C7: variants seen among roughly 807,000 people sequenced by gnomAD.
C7 encodes the protein complement component C7.
In C7, 83 loss-of-function variants were observed where a neutral mutation model predicts 104.8. The observed-to-expected ratio is 0.79, with a 90% CI of 0.66 to 0.95. C7 has a LOEUF of 0.95. Ranked by LOEUF, C7 falls within the 40% of genes least tolerant of loss-of-function variation. The pLI, the probability that C7 is intolerant of heterozygous loss-of-function variation, is 0.00. For synonymous variants in C7, 415 were observed against 360.6 expected, an observed-to-expected ratio of 1.15 and a Z score of -1.71; for missense variants, 1,070 against 1,011.2, an observed-to-expected ratio of 1.06 and a Z score of -0.79.
chr5:40,954,060 G>T (rs1366625558), intron 9 of C7, among the ~76,000 whole-genome samples: 1 of 152,074 alleles, frequency 6.6e-6, no homozygotes, highest in African/African-American at 2.4e-5. Flanking sequence ...TGGAGATAAA[G>T]TATTTCTAAA....
At position 40,955,383 on chromosome 5, in the gene C7, A is replaced by G. The variant is rs1283956505; in HGVS notation, c.1094-4A>G. On this transcript the variant is annotated splice_polypyrimidine_tract_variant and splice_region_variant and intron_variant, in intron 9 of 17. Transcript: ENST00000313164. The stretch of plus-strand genomic sequence containing the variant: ...TCACTTTTCATTTGCTTTCTTCTGT[A>G]TAGGAACCCAGAACAATGTATTGCG... 2.5e-6 allele frequency: 4 copies of G among 1,596,716 alleles called. No homozygotes were observed. The highest frequency in any genetic ancestry group is 3.4e-6 in the Non-Finnish European group (4 of 1,173,926).
intron 14 of C7, among the ~76,000 whole-genome samples, chr5:40,969,328 T>G (rs1015848986): frequency 8.5e-5 from 13 of 152,216 alleles, no homozygotes; most frequent in African/African-American, 2.9e-4. Context: ...AAAAATATAT[T>G]AATTTCAGTT....
intron 6 of C7, among the ~76,000 whole-genome samples, chr5:40,941,691 T>G (rs1739940137): frequency 6.6e-6 from 1 of 151,676 alleles, no homozygotes; most frequent in Non-Finnish European, 1.5e-5. Context: ...TGATGGAGAG[T>G]GAGCAGTCTG....
chr5:40,963,187 A>G (rs1330272703), intron 13 of C7, among the ~76,000 whole-genome samples: 4 of 152,096 alleles, frequency 2.6e-5, no homozygotes, highest in African/African-American at 4.8e-5. Flanking sequence ...AGGAGTCCCA[A>G]ATATTGCTCT....
At chr5:40,966,376 CTTTT>C (rs543978425) in intron 14 of C7, among the ~76,000 whole-genome samples, 1 of 144,640 alleles carries the variant, frequency 6.9e-6, no homozygotes. Flanking sequence ...GGTTTTCTTT[CTTTT>C]TTTTTTTTTG....
At chr5:40,929,287 G>T (rs751774129) in intron 2 of C7, among the ~76,000 whole-genome samples, 4 of 152,150 alleles carry the variant, frequency 2.6e-5, no homozygotes, top group Admixed American at 6.5e-5. Context: ...TGCTCAGGGT[G>T]ATGTGAGAGC....
At chr5:40,938,117 T>C (rs1739855235) in intron 6 of C7, among the ~76,000 whole-genome samples, 1 of 152,140 alleles carries the variant, frequency 6.6e-6, no homozygotes, top group African/African-American at 2.4e-5. Context: ...TATGTGTAAT[T>C]TGAAGAAAAC....
chr5:40,909,826 A>T (rs1299740504), intron 1 of C7, among the ~76,000 whole-genome samples: 1 of 152,188 alleles, frequency 6.6e-6, no homozygotes, highest in Non-Finnish European at 1.5e-5. Flanking sequence ...GCCAAAGTGA[A>T]TTCCTTTTTC....
At chr5:40,972,031 A>G in intron 14 of C7, 1 of 461,022 alleles carries the variant, frequency 2.2e-6, no homozygotes, top group South Asian at 1.6e-5. Flanking sequence ...CAACTGGATG[A>G]AAGTTAATGA....
At chr5:40,928,176 G>A (rs893546100) in intron 1 of C7, among the ~76,000 whole-genome samples, 2 of 152,108 alleles carry the variant, frequency 1.3e-5, no homozygotes, top group Non-Finnish European at 2.9e-5. Flanking sequence ...CAAATAGCAC[G>A]TGTTCTCACT....
intron 1 of C7, among the ~76,000 whole-genome samples, chr5:40,921,123 C>A (rs1739430069): frequency 6.6e-6 from 1 of 151,686 alleles, no homozygotes. Flanking sequence ...AATTTGCAGG[C>A]TACCAAATTA....
At chr5:40,969,583 A>C (rs1740646189) in intron 14 of C7, among the ~76,000 whole-genome samples, 1 of 152,162 alleles carries the variant, frequency 6.6e-6, no homozygotes. Flanking sequence ...GGTTATCTCT[A>C]TTCCAAGGAT....
At chr5:40,966,671 C>T (rs62357072) in intron 14 of C7, among the ~76,000 whole-genome samples, 29,154 of 152,136 alleles carry the variant, frequency 0.19, 3,235 homozygotes, top group Middle Eastern at 0.38. Context: ...GCTACCATGC[C>T]TGGCACAATA....
At chr5:40,928,124 G>T (rs1464056758) in intron 1 of C7, among the ~76,000 whole-genome samples, 1 of 152,116 alleles carries the variant, frequency 6.6e-6, no homozygotes, top group Non-Finnish European at 1.5e-5. Context: ...AGATGGAATT[G>T]GAAAACATTA....
intron 8 of C7, among the ~76,000 whole-genome samples, chr5:40,948,211 A>G (rs1375230326): frequency 6.6e-6 from 1 of 150,610 alleles, no homozygotes; most frequent in African/African-American, 2.5e-5. Context: ...ATGTTTAAAT[A>G]AGTATTTCAT....
chr5:40,934,665 G>A lies in C7; in HGVS notation c.280+199G>A, dbSNP rs41271059. Among the ~76,000 whole-genome samples, 1,096 of 152,214 alleles carry A rather than the reference G, an allele frequency of 7.2e-3. 6 individuals are homozygous for A. The highest frequency in any genetic ancestry group is 0.013 in the Non-Finnish European group (856 of 68,020). On this transcript the variant is annotated intron_variant, in intron 4 of 17. Coordinates refer to ENST00000313164, the MANE Select transcript of C7 (RefSeq NM_000587.4). ...TTTTCAAATGCAAGGGGATGCATCT[G>A]GTAATAAACATAGGAATGCTCTTTG...
At chr5:40,942,122 T>C (rs1444866210) in intron 6 of C7, among the ~76,000 whole-genome samples, 1 of 152,188 alleles carries the variant, frequency 6.6e-6, no homozygotes. Context: ...TTGCTGGAAG[T>C]CAGACCATTG....
chr5:40,959,561 C>T lies in C7; in HGVS notation c.1602C>T (p.Ser534=). 1 of 1,610,294 alleles carries T rather than the reference C, an allele frequency of 6.2e-7. No homozygotes were observed. The highest frequency in any genetic ancestry group is 8.5e-7 in the Non-Finnish European group (1 of 1,178,728). ...NNPPPSGGGR[S]CVGETTESTQ... is the part of the protein sequence containing the mutation. ...CACCTCCCAGTGGGGGTGGGAGATCCTGCGTTGGAGAAACGACAGAAAGCA... is the reference window on the plus strand; with the variant it reads ...CACCTCCCAGTGGGGGTGGGAGATCTTGCGTTGGAGAAACGACAGAAAGCA... The change falls in exon 12 of 18, where the codon TCC becomes TCT. Residue 534 remains serine, a synonymous_variant. Coordinates refer to ENST00000313164, the MANE Select transcript of C7 (RefSeq NM_000587.4).
intron 8 of C7, 85 bp downstream of exon 8, chr5:40,947,930 C>A: frequency 1.5e-6 from 2 of 1,356,806 alleles, no homozygotes; most frequent in South Asian, 1.3e-5. Context: ...AGCTTTTGAG[C>A]TTTAAAATTT....
Sources: gnomAD v4.1 joint callset for allele counts (sites outside exome capture counted in the v4.1 genomes callset) on GRCh38, gnomAD v4.1.1 for gene constraint, MANE v1.5 for transcripts, NCBI Gene and HGNC (gene_info 2026-07-23, HGNC 2026-07-21) for gene names.